PIP4K2C: variants seen among roughly 807,000 people sequenced by gnomAD.
The protein encoded by PIP4K2C is phosphatidylinositol-5-phosphate 4-kinase type 2 gamma.
Under a neutral mutation model 45.0 loss-of-function variants are expected in PIP4K2C, and 21 were observed. The observed-to-expected ratio is 0.47, with a 90% confidence interval of 0.33 to 0.67. The LOEUF is 0.67. PIP4K2C is among the 30% of genes least tolerant of loss of function. The pLI is 0.02. For synonymous variants in PIP4K2C, 201 were observed against 204.8 expected (o/e 0.98, Z 0.16); for missense variants, 456 against 542.8 (o/e 0.84, Z 1.59).
intron 6 of PIP4K2C, 25 bp downstream of exon 6, chr12:57,599,463 G>A (rs753546497): frequency 6.2e-7 from 1 of 1,613,936 alleles, no homozygotes; most frequent in Non-Finnish European, 8.5e-7. Flanking sequence ...ATGTGCTAGG[G>A]TGAGGGATGA....
Position 57,591,446 on chromosome 12 carries a change from TG to T in PIP4K2C, c.161del (p.Gly54AlafsTer2). ...CGACCCGCTGGTGGGTGTGTTCCTG[TG>T]GGGCGTAGCCCACTCGGTGAGAACC... ...AADPLVGVFL[W>X]GVAHSINELS... On this transcript the variant is annotated frameshift_variant, in exon 1 of 10. Transcript: ENST00000354947. LOFTEE classifies it high-confidence loss of function. The T allele has an allele frequency of 1.2e-6, 2 of 1,612,496 alleles. No individual in the cohort carries two copies. Among genetic ancestry groups the T allele is most frequent in the Admixed American group, 1.7e-5 (1 of 59,894 alleles).
intron 4 of PIP4K2C, among the ~76,000 whole-genome samples, chr12:57,596,293 C>G (rs1355980690): frequency 1.3e-5 from 2 of 152,050 alleles, no homozygotes; most frequent in East Asian, 1.9e-4. Context: ...CGAGACCAGT[C>G]TGACCAACAT....
chr12:57,601,510 G>A lies in PIP4K2C; in HGVS notation c.1186-16G>A, dbSNP rs114171122. ...CTAGGGTGGCCTGACATATTGTTCC[G>A]TATCTCCTCTCACAGGCTGGGGCAG... On this transcript the variant is annotated splice_polypyrimidine_tract_variant and intron_variant, in intron 9 of 9. Transcript: ENST00000354947. 364 of 1,606,826 alleles carry A rather than the reference G, an allele frequency of 2.3e-4. 1 individual carries two copies. In the African/African-American group the frequency reaches 4.2e-3, roughly 19 times the overall value.
At position 57,595,912 on chromosome 12, in the gene PIP4K2C, A is replaced by C. The variant is rs1219794276; in HGVS notation, c.394A>C (p.Ser132Arg). ...YLVSLTRNPPSESEGSDGRFL... is the reference protein window; with the variant it reads ...YLVSLTRNPPRESEGSDGRFL... ...GGTGTCCCTTACCCGAAACCCCCCC[A>C]GCGAAAGTGAAGGCAGTGATGGTCG... The change falls in exon 4 of 10, where the codon AGC becomes CGC. Residue 132 changes from serine to arginine, a missense_variant. This residue lies in a region of PIP4K2C where 421 missense variants were observed against 473.1 expected (regional missense o/e 0.89). Coordinates refer to ENST00000354947, the MANE Select transcript of PIP4K2C (RefSeq NM_024779.5). 1 of 1,613,966 alleles carries C rather than the reference A, an allele frequency of 6.2e-7. No individual in the cohort carries two copies. The highest frequency in any genetic ancestry group is 1.7e-5 in the Admixed American group (1 of 59,998).
chr12:57,601,372 C>G (rs748014748), intron 9 of PIP4K2C, 24 bp downstream of exon 9: 1 of 1,587,294 alleles, frequency 6.3e-7, no homozygotes, highest in Non-Finnish European at 8.6e-7. Flanking sequence ...AAAGCCTTTC[C>G]TTTCCTGTCT....
In PIP4K2C at chr12:57,595,931, A is replaced by G. The variant is rs1883172826; in HGVS notation, c.413A>G (p.Asp138Gly). The change falls in exon 4 of 10, where the codon GAT (aspartate) becomes GGT (glycine). Residue 138 changes from aspartate to glycine, a missense_variant. Coordinates refer to ENST00000354947, the MANE Select transcript of PIP4K2C (RefSeq NM_024779.5). ...CCCCCCAGCGAAAGTGAAGGCAGTGATGGTCGCTTCCTTATCTCCTACGAT... is the reference window on the plus strand; with the variant it reads ...CCCCCCAGCGAAAGTGAAGGCAGTGGTGGTCGCTTCCTTATCTCCTACGAT... ...RNPPSESEGS[D>G]GRFLISYDRT... The G allele has an allele frequency of 4.3e-6, 7 of 1,613,912 alleles. No homozygotes were observed. The highest frequency in any genetic ancestry group is 5.9e-6 in the Non-Finnish European group (7 of 1,179,958).
intron 6 of PIP4K2C, among the ~76,000 whole-genome samples, chr12:57,599,844 A>G (rs1434800309): frequency 6.6e-6 from 1 of 152,210 alleles, no homozygotes; most frequent in East Asian, 1.9e-4. Context: ...GCTTGAGCCC[A>G]GGAGTTCCAG....
chr12:57,601,085 G>C lies in PIP4K2C; in HGVS notation c.1081+7G>C. The C allele has an allele frequency of 6.2e-7, 1 of 1,611,908 alleles. No homozygotes were observed. Among genetic ancestry groups the C allele is most frequent in the Non-Finnish European group, 8.5e-7 (1 of 1,179,000 alleles). ...GCCATCCGGAGTGCTGAAGGTGAGA[G>C]AACCGGGACAATTTAAGGGTGGAGA... On this transcript the variant is annotated splice_region_variant and intron_variant, in intron 8 of 9. Transcript: ENST00000354947.
At chr12:57,592,132 T>C (rs1391288697) in intron 1 of PIP4K2C, among the ~76,000 whole-genome samples, 1 of 152,062 alleles carries the variant, frequency 6.6e-6, no homozygotes, top group Non-Finnish European at 1.5e-5. Flanking sequence ...TCGTGTTTGG[T>C]GTAGGTGGTG....
chr12:57,599,307 A>G, intron 5 of PIP4K2C, 93 bp from the exon 6 acceptor site: 1 of 1,606,100 alleles, frequency 6.2e-7, no homozygotes, highest in Non-Finnish European at 8.5e-7. Flanking sequence ...TTTTAAGGGA[A>G]AGAAGGCTGG....
At chr12:57,594,257 A>G in intron 2 of PIP4K2C, 135 bp downstream of exon 2, 1 of 713,278 alleles carries the variant, frequency 1.4e-6, no homozygotes, top group Non-Finnish European at 2.3e-6. Context: ...GGAAACCATG[A>G]GAATAATTTC....
rs758848462 is a variant in PIP4K2C at position 57,591,304 on chromosome 12, G to C, written c.15G>C (p.Ser5=). Residue 5 remains serine (S), a synonymous_variant, in exon 1 of 10, where the codon TCG becomes TCC. Coordinates refer to ENST00000354947, the MANE Select transcript of PIP4K2C (RefSeq NM_024779.5). The part of the protein sequence containing the change: MASS[S]VPPATVSAAT... Reference sequence around the variant, plus strand: ...CGCGGGAGACTATGGCGTCCTCCTCGGTCCCACCAGCCACGGTATCGGCGG... The same window carrying C: ...CGCGGGAGACTATGGCGTCCTCCTCCGTCCCACCAGCCACGGTATCGGCGG... The C allele has an allele frequency of 7.4e-6, 12 of 1,611,432 alleles. No individual in the cohort carries two copies. The highest frequency in any genetic ancestry group is 8.5e-7 in the Non-Finnish European group (1 of 1,178,546).
At chr12:57,595,056 C>A in intron 2 of PIP4K2C, 70 bp from the exon 3 acceptor site, 1 of 986,472 alleles carries the variant, frequency 1.0e-6, no homozygotes, top group Non-Finnish European at 1.6e-6. Context: ...TCTGAAGGTA[C>A]TTTATAAACT....
chr12:57,596,099 G>T, intron 4 of PIP4K2C, 68 bp downstream of exon 4: 1 of 1,521,072 alleles, frequency 6.6e-7, no homozygotes, highest in Non-Finnish European at 9.1e-7. Context: ...GCTATTGTCA[G>T]TAATAGATGC....
At chr12:57,595,082 A>G (rs1028102108) in intron 2 of PIP4K2C, 44 bp from the exon 3 acceptor site, 1 of 1,234,238 alleles carries the variant, frequency 8.1e-7, no homozygotes, top group African/African-American at 1.5e-5. Context: ...GTGTATGTAA[A>G]TGTAATATTG....
chr12:57,595,105 C>T (rs955105973), intron 2 of PIP4K2C, 21 bp from the exon 3 acceptor site: 25 of 1,484,676 alleles, frequency 1.7e-5, no homozygotes, highest in Non-Finnish European at 2.3e-5. Flanking sequence ...TGTTTTCTTA[C>T]TTTGAAAACC....
Position 57,596,480 on chromosome 12 carries a change from C to T in PIP4K2C, c.513+449C>T, listed in dbSNP as rs540692687. ...AGCCTGGGCAACAAGAGCAAAACTC[C>T]GCCTAAAAAAAAAAAAAAAGATTAA... is the stretch of plus-strand genomic sequence containing the variant. On this transcript the variant is annotated intron_variant, in intron 4 of 9. Coordinates refer to ENST00000354947, the MANE Select transcript of PIP4K2C (RefSeq NM_024779.5). Among the ~76,000 whole-genome samples the T allele has an allele frequency of 1.0e-3, 140 of 138,510 alleles. 1 individual carries two copies. Among genetic ancestry groups the T allele is most frequent in the African/African-American group, 3.5e-3 (134 of 38,380 alleles). 90.9% of individuals were successfully genotyped at this position (138,510 alleles called of 152,430 possible).
chr12:57,600,342 C>T lies in PIP4K2C; in HGVS notation c.718C>T (p.Leu240Phe). The T allele has an allele frequency of 6.2e-7, 1 of 1,605,820 alleles. No individual in the cohort carries two copies. Among genetic ancestry groups the T allele is most frequent in the Non-Finnish European group, 8.5e-7 (1 of 1,172,914 alleles). The change falls in exon 7 of 10, where the codon CTT (leucine) becomes TTT (phenylalanine). Residue 240 changes from leucine to phenylalanine, a missense_variant. Leu to Phe is a conservative substitution (Grantham distance 22, BLOSUM62 0). Transcript: ENST00000354947. ...TTCTTAGGTTAAAGAATTGCCCACC[C>T]TTAAGGATATGGACTTTCTCAACAA... ...DKEKVKELPT[L>F]KDMDFLNKNQ...
intron 8 of PIP4K2C, 55 bp from the exon 9 acceptor site, chr12:57,601,190 C>T (rs1883421186): frequency 6.3e-7 from 1 of 1,589,876 alleles, no homozygotes; most frequent in Admixed American, 1.7e-5. Context: ...TGACTGCTTC[C>T]TGGAGAAAGG....
Sources: gnomAD v4.1 joint callset for allele counts (sites outside exome capture counted in the v4.1 genomes callset) on GRCh38, gnomAD v4.1.1 for gene constraint, gnomAD v4.1.1 regional missense constraint, MANE v1.5 for transcripts, NCBI Gene and HGNC (gene_info 2026-07-23, HGNC 2026-07-21) for gene names.